The following ZNF510 variants were observed in gnomAD, a reference collection of about 807,000 sequenced individuals.
The protein encoded by ZNF510 is zinc finger protein 510.
Under a neutral mutation model 18.1 loss-of-function variants are expected in ZNF510, and 15 were observed. That is an observed-to-expected ratio of 0.83 (90% CI 0.55 to 1.28). ZNF510 has a LOEUF of 1.28. ZNF510 is among the 50% of genes most tolerant of loss of function. The probability of loss-of-function intolerance (pLI) is 0.00; values close to 1 mark genes in which losing one functional copy is unlikely to be tolerated. For missense variants in ZNF510, 724 were observed against 791.8 expected, an observed-to-expected ratio of 0.91 and a Z score of 1.03; for synonymous variants, 261 against 266.4, an observed-to-expected ratio of 0.98 and a Z score of 0.20.
chr9:96,762,991 A>C, intron 5 of ZNF510, 127 bp downstream of exon 5: 1 of 722,648 alleles, frequency 1.4e-6, no homozygotes, highest in Non-Finnish European at 2.5e-6. Context: ...ATTTTCTTTT[A>C]ACTGCTGCTT....
At position 96,758,957 on chromosome 9, in the gene ZNF510, C is replaced by G. The variant is rs772528695; in HGVS notation, c.1873G>C (p.Glu625Gln). ...LSDHQRIHTG[E>Q]KPFQCNKCGK... ...CATTTATTACACTGAAAGGGTTTCTCCCCTGTGTGAATTCTCTGATGATCA... is the reference window on the plus strand; with the variant it reads ...CATTTATTACACTGAAAGGGTTTCTGCCCTGTGTGAATTCTCTGATGATCA... Residue 625 changes from glutamate to glutamine, a missense_variant, in exon 6 of 6, where the codon GAG (glutamate) becomes CAG (glutamine). Transcript: ENST00000223428. The G allele has an allele frequency of 1.9e-6, 3 of 1,614,056 alleles. No homozygotes were observed. The Admixed American group carries it at 5.0e-5, about 27-fold the overall frequency.
Position 96,760,492 on chromosome 9 carries a change from T to C in ZNF510, c.353-15A>G. ...TCTGTAATCTTCTAAAACAGAAATA[T>C]TGAAAACATCTTATGACTCTTACAT... On this transcript the variant is annotated splice_polypyrimidine_tract_variant and intron_variant, in intron 5 of 5. Coordinates refer to ENST00000223428, the MANE Select transcript of ZNF510 (RefSeq NM_014930.3). The C allele has an allele frequency of 1.9e-6, 3 of 1,571,782 alleles. No homozygotes were observed. Among genetic ancestry groups the C allele is most frequent in the South Asian group, 1.2e-5 (1 of 84,290 alleles).
intron 3 of ZNF510, among the ~76,000 whole-genome samples, chr9:96,772,384 A>G (rs1327453405): frequency 6.6e-6 from 1 of 150,990 alleles, no homozygotes; most frequent in Non-Finnish European, 1.5e-5. Flanking sequence ...ATTAAAGAAA[A>G]GACGATCTGA....
intron 3 of ZNF510, among the ~76,000 whole-genome samples, chr9:96,765,462 C>T (rs1337216655): frequency 3.3e-5 from 5 of 151,800 alleles, no homozygotes; most frequent in African/African-American, 4.8e-5. Context: ...ACTTCTCAGT[C>T]TATTTAGTGC....
intron 5 of ZNF510, among the ~76,000 whole-genome samples, chr9:96,760,764 G>A (rs553109825): frequency 3.3e-5 from 5 of 151,348 alleles, no homozygotes; most frequent in Non-Finnish European, 5.9e-5. Flanking sequence ...AAAACTAAGC[G>A]TTTTATAGGG....
At chr9:96,765,777 C>T (rs972762628) in intron 3 of ZNF510, among the ~76,000 whole-genome samples, 12 of 152,174 alleles carry the variant, frequency 7.9e-5, no homozygotes, top group Admixed American at 6.5e-5. Flanking sequence ...TCCCAAAGTG[C>T]TGGGATTACA....
chr9:96,759,774 A>G lies in ZNF510; in HGVS notation c.1056T>C (p.Thr352=). 1 of 1,614,110 alleles carries G rather than the reference A, an allele frequency of 6.2e-7. No individual in the cohort carries two copies. The highest frequency in any genetic ancestry group is 8.5e-7 in the Non-Finnish European group (1 of 1,180,008). The change falls in exon 6 of 6, where the codon ACT becomes ACC. Residue 352 remains threonine, a synonymous_variant. Coordinates refer to ENST00000223428, the MANE Select transcript of ZNF510 (RefSeq NM_014930.3). ...GNNFNRKAHL[T]DPQTAVIEEN... ...CTTCTATGACAGCTGTTTGAGGATC[A>G]GTGAGGTGTGCCTTTCTGTTGAAAT... is the stretch of plus-strand genomic sequence containing the variant.
At position 96,758,507 on chromosome 9, in the gene ZNF510, T is replaced by C; in HGVS notation, c.*271A>G. On this transcript the variant is annotated 3_prime_UTR_variant, in exon 6 of 6. Transcript: ENST00000223428. ...TGTGTGATGTGTGGGAGCTATCTAA[T>C]AGGGTATGACTTCATTCAGGCCTAT... The C allele has an allele frequency of 2.9e-6, 1 of 345,334 alleles. No individual in the cohort carries two copies. Among genetic ancestry groups the C allele is most frequent in the Non-Finnish European group, 5.2e-6 (1 of 190,828 alleles). The allele number at this position is 345,334 out of a possible 1,614,324, so 21.4% of individuals were successfully genotyped here.
At chr9:96,766,235 C>T (rs978776832) in intron 3 of ZNF510, among the ~76,000 whole-genome samples, 3 of 152,060 alleles carry the variant, frequency 2.0e-5, no homozygotes, top group African/African-American at 7.3e-5. Context: ...TTTAATGTAA[C>T]TCTCCCAGTA....
In ZNF510 at chr9:96,760,081, A is replaced by G. The variant is rs1444129458; in HGVS notation, c.749T>C (p.Leu250Ser). ...TTTATTACATTCAAAAGCTTGCTCCAAAGTTTGAAACTTTGGATGCTTGGG... is the reference window on the plus strand; with the variant it reads ...TTTATTACATTCAAAAGCTTGCTCCGAAGTTTGAAACTTTGGATGCTTGGG... ...NLPKHPKFQTLEQAFECNKIG... is the reference protein window; with the variant it reads ...NLPKHPKFQTSEQAFECNKIG... Residue 250 changes from leucine to serine, a missense_variant, in exon 6 of 6, where the codon TTG (leucine) becomes TCG (serine). Leu to Ser is a moderately radical substitution (Grantham distance 145, BLOSUM62 -2). Transcript: ENST00000223428. The G allele has an allele frequency of 6.2e-7, 1 of 1,610,814 alleles. No individual in the cohort carries two copies. Among genetic ancestry groups the G allele is most frequent in the Admixed American group, 1.7e-5 (1 of 59,512 alleles).
chr9:96,760,584 T>A, intron 5 of ZNF510, 107 bp from the exon 6 acceptor site: 1 of 1,050,634 alleles, frequency 9.5e-7, no homozygotes, highest in Non-Finnish European at 1.3e-6. Context: ...TTATCAAGAT[T>A]AAATAATTCA....
In ZNF510 at chr9:96,758,114, A is replaced by G. The variant is rs1161014772; in HGVS notation, c.*664T>C. On this transcript the variant is annotated 3_prime_UTR_variant, in exon 6 of 6. Transcript: ENST00000223428. ...AATGGAAATTGCGTAAAGTGAAAATACAGATAAGGGGGGACTACTGTATAA... is the reference window on the plus strand; with the variant it reads ...AATGGAAATTGCGTAAAGTGAAAATGCAGATAAGGGGGGACTACTGTATAA... 1.3e-5 allele frequency: 2 copies of G among 152,260 alleles called. No homozygotes were observed. Among genetic ancestry groups the G allele is most frequent in the African/African-American group, 2.4e-5 (1 of 41,470 alleles). 9.4% of individuals were successfully genotyped at this position (152,260 alleles called of 1,614,324 possible). A position where few individuals can be genotyped will look rare whatever the true frequency, so the allele number is the denominator to read the frequency against.
intron 1 of ZNF510, among the ~76,000 whole-genome samples, chr9:96,777,184 T>C (rs1342568195): frequency 2.0e-5 from 3 of 152,178 alleles, no homozygotes; most frequent in Non-Finnish European, 2.9e-5. Context: ...CCAGAGGCTC[T>C]GGAGACATCC....
Position 96,758,988 on chromosome 9 carries a change from G to A in ZNF510, c.1842C>T (p.Ile614=). Reference sequence around the variant, plus strand: ...TGTGAATTCTCTGATGATCACTAAGGATTGCTTTCCGGACAAATTTCTTCC... The same window carrying A: ...TGTGAATTCTCTGATGATCACTAAGAATTGCTTTCCGGACAAATTTCTTCC... ...ECGKKFVRKA[I]LSDHQRIHTG... The change falls in exon 6 of 6, where the codon ATC becomes ATT. Residue 614 remains isoleucine, a synonymous_variant. Transcript: ENST00000223428. The A allele has an allele frequency of 6.2e-7, 1 of 1,613,868 alleles. No individual in the cohort carries two copies. The highest frequency in any genetic ancestry group is 8.5e-7 in the Non-Finnish European group (1 of 1,179,944).
intron 3 of ZNF510, among the ~76,000 whole-genome samples, chr9:96,770,626 T>C (rs1402966781): frequency 6.6e-6 from 1 of 150,636 alleles, no homozygotes; most frequent in Non-Finnish European, 1.5e-5. Flanking sequence ...TATATATATA[T>C]AGAAATAGTC....
At chr9:96,763,035 C>G in intron 5 of ZNF510, 83 bp downstream of exon 5, 1 of 1,091,816 alleles carries the variant, frequency 9.2e-7, no homozygotes, top group Non-Finnish European at 1.4e-6. Context: ...AAAAGTCTTG[C>G]AATATTTAGG....
In ZNF510 at chr9:96,755,099, G is replaced by T. The variant is rs1274980844; in HGVS notation, c.*3679C>A. Reference sequence around the variant, plus strand: ...TATCCTGTGGGCCGCCCTCTGCTAAGGGACAGCAGGTGAAGCCTGAGTCCC... The same window carrying T: ...TATCCTGTGGGCCGCCCTCTGCTAATGGACAGCAGGTGAAGCCTGAGTCCC... On this transcript the variant is annotated 3_prime_UTR_variant, in exon 6 of 6. Transcript: ENST00000223428. Among the ~76,000 whole-genome samples the T allele has an allele frequency of 6.6e-6, 1 of 152,194 alleles. No homozygotes were observed. Among genetic ancestry groups the T allele is most frequent in the Non-Finnish European group, 1.5e-5 (1 of 68,036 alleles).
In ZNF510 at chr9:96,758,013, C is replaced by T. The variant is rs1457821177; in HGVS notation, c.*765G>A. On this transcript the variant is annotated 3_prime_UTR_variant, in exon 6 of 6. Transcript: ENST00000223428. ...GAGACTTCATCCCACTACTCAGAAT[C>T]GGGTGCAGTTTAAAATGTAGGAATT... The T allele has an allele frequency of 2.6e-5, 4 of 152,170 alleles. No individual in the cohort carries two copies. The highest frequency in any genetic ancestry group is 6.5e-5 in the Admixed American group (1 of 15,288). The allele number at this position is 152,170 out of a possible 1,614,324, so 9.4% of individuals were successfully genotyped here.
At chr9:96,774,675 T>G (rs1849651882) in intron 3 of ZNF510, 113 bp downstream of exon 3, 1 of 982,368 alleles carries the variant, frequency 1.0e-6, no homozygotes, top group African/African-American at 1.6e-5. Flanking sequence ...CTGCCCTGCT[T>G]TTCTATATAT....
Sources: allele counts gnomAD v4.1 joint callset (sites outside exome capture counted in the v4.1 genomes callset), GRCh38; gene constraint gnomAD v4.1.1; transcripts MANE v1.5; gene names NCBI Gene and HGNC (gene_info 2026-07-23, HGNC 2026-07-21).